Variants in SND1 observed in about 807,000 individuals in gnomAD.
SND1 encodes staphylococcal nuclease domain-containing protein 1.
Under a neutral mutation model 121.7 loss-of-function variants are expected in SND1, and 38 were observed. The ratio of observed to expected loss-of-function variants is 0.31; its 90% CI spans 0.24 to 0.41. SND1 has a LOEUF of 0.41. Among genes scored for constraint, SND1 ranks in the 10% least tolerant of loss-of-function variants. The probability of loss-of-function intolerance (pLI) is 1.00; values close to 1 mark genes in which losing one functional copy is unlikely to be tolerated. For synonymous variants in SND1, 401 were observed against 447.4 expected (o/e 0.90, Z 1.31); for missense variants, 868 against 1,184.6 (o/e 0.73, Z 3.92).
intron 15 of SND1, among the ~76,000 whole-genome samples, chr7:127,961,598 A>T (rs1801731763): frequency 1.3e-5 from 2 of 152,250 alleles, no homozygotes; most frequent in Non-Finnish European, 2.9e-5. Context: ...TACTTTTGCC[A>T]TGTGAAATTG....
intron 16 of SND1, among the ~76,000 whole-genome samples, chr7:127,995,939 T>C (rs1802642342): frequency 6.6e-6 from 1 of 152,176 alleles, no homozygotes; most frequent in South Asian, 2.1e-4. Flanking sequence ...TCTGACACAT[T>C]AGAATTGCTC....
At chr7:128,007,494 C>A (rs1335736856) in intron 16 of SND1, among the ~76,000 whole-genome samples, 1 of 152,230 alleles carries the variant, frequency 6.6e-6, no homozygotes, top group Non-Finnish European at 1.5e-5. Context: ...GCAAATAGTC[C>A]TGCTCCACTG....
intron 2 of SND1, among the ~76,000 whole-genome samples, chr7:127,688,602 G>T (rs1043001856): frequency 6.6e-6 from 1 of 151,028 alleles, no homozygotes; most frequent in Non-Finnish European, 1.5e-5. Flanking sequence ...CATGCCTGTA[G>T]TCTCAACTAC....
At chr7:128,089,462 T>C (rs371055220) in intron 21 of SND1, 27 bp from the exon 22 acceptor site, 9 of 1,594,496 alleles carry the variant, frequency 5.6e-6, no homozygotes, top group Middle Eastern at 1.8e-4. Context: ...TCTGGCTTGC[T>C]CTGACCTGAG....
intron 16 of SND1, among the ~76,000 whole-genome samples, chr7:127,993,355 C>T (rs912725906): frequency 6.6e-6 from 1 of 152,208 alleles, no homozygotes; most frequent in African/African-American, 2.4e-5. Flanking sequence ...CCTACTCCCC[C>T]AACCCCACAA....
At chr7:127,761,814 T>C (rs1303702578) in intron 10 of SND1, among the ~76,000 whole-genome samples, 2 of 152,206 alleles carry the variant, frequency 1.3e-5, no homozygotes, top group Admixed American at 6.5e-5. Flanking sequence ...CCTTTGAAGG[T>C]GCATCTTCCG....
At chr7:127,687,996 C>T (rs1795845471) in intron 2 of SND1, among the ~76,000 whole-genome samples, 1 of 152,096 alleles carries the variant, frequency 6.6e-6, no homozygotes, top group Non-Finnish European at 1.5e-5. Context: ...ATTCCAGATT[C>T]TTAATCTGGG....
chr7:127,669,468 C>T (rs928411360), intron 1 of SND1, among the ~76,000 whole-genome samples: 2 of 152,232 alleles, frequency 1.3e-5, no homozygotes, highest in African/African-American at 4.8e-5. Context: ...GAGAATCTCT[C>T]AATTAACTGT....
chr7:127,658,649 T>C (rs1254107288), intron 1 of SND1, among the ~76,000 whole-genome samples: 1 of 152,228 alleles, frequency 6.6e-6, no homozygotes, highest in African/African-American at 2.4e-5. Flanking sequence ...AGTAGCATGC[T>C]TCAGGGGATC....
At chr7:127,697,836 G>A (rs1007194317) in intron 3 of SND1, among the ~76,000 whole-genome samples, 5 of 152,128 alleles carry the variant, frequency 3.3e-5, no homozygotes, top group Admixed American at 6.5e-5. Flanking sequence ...GTAGTGTGCC[G>A]AATGTAAATC....
chr7:128,043,181 A>T (rs1052386960), intron 16 of SND1, among the ~76,000 whole-genome samples: 1 of 152,140 alleles, frequency 6.6e-6, no homozygotes, highest in Non-Finnish European at 1.5e-5. Flanking sequence ...TGCCCATCTC[A>T]GAGGTTACAC....
chr7:127,990,949 A>G lies in SND1; in HGVS notation c.1672A>G (p.Ile558Val). The G allele has an allele frequency of 1.9e-6, 3 of 1,612,654 alleles. No individual in the cohort carries two copies. The highest frequency in any genetic ancestry group is 2.5e-6 in the Non-Finnish European group (3 of 1,179,056). The change falls in exon 16 of 24, where the codon ATT becomes GTT. Residue 558 changes from isoleucine to valine, a missense_variant and splice_region_variant. Coordinates refer to ENST00000354725, the MANE Select transcript of SND1 (RefSeq NM_014390.4). Reference protein sequence around the residue: ...TCLITFLLAGIECPRGARNLP... With the variant: ...TCLITFLLAGVECPRGARNLP... Reference sequence around the variant, plus strand: ...ATTCTACTTTTCTCCTGACACAGGCATTGAATGCCCCAGAGGAGCCCGAAA... The same window carrying G: ...ATTCTACTTTTCTCCTGACACAGGCGTTGAATGCCCCAGAGGAGCCCGAAA...
intron 12 of SND1, among the ~76,000 whole-genome samples, chr7:127,883,888 T>C (rs887514498): frequency 6.6e-6 from 1 of 152,154 alleles, no homozygotes; most frequent in Non-Finnish European, 1.5e-5. Flanking sequence ...TCATCATTTA[T>C]TGATGATGGT....
chr7:128,074,924 A>G (rs1180535450), intron 17 of SND1, among the ~76,000 whole-genome samples: 1 of 152,158 alleles, frequency 6.6e-6, no homozygotes, highest in Non-Finnish European at 1.5e-5. Flanking sequence ...GCCAGCCCAG[A>G]ATGTCATCAG....
chr7:128,029,845 C>T lies in SND1; in HGVS notation c.1779+38789C>T, dbSNP rs1429880531. The T allele has an allele frequency of 6.2e-7, 1 of 1,613,496 alleles. No homozygotes were observed. Among genetic ancestry groups the T allele is most frequent in the South Asian group, 1.1e-5 (1 of 91,086 alleles). On this transcript the variant is annotated intron_variant, in intron 16 of 23. Transcript: ENST00000354725. The surrounding 1 kb of genome is among the most constrained non-coding windows in gnomAD (Gnocchi z 4.2). ...GCCAAGTTGAGTTCCACAAGTGAAG[C>T]CAGCCCGTCAAAAGCATTCCGCTCA...
intron 12 of SND1, among the ~76,000 whole-genome samples, chr7:127,875,593 C>A (rs546816866): frequency 1.3e-5 from 2 of 152,280 alleles, no homozygotes; most frequent in African/African-American, 4.8e-5. Flanking sequence ...ATCAGAAAAC[C>A]TGGCTTCTAA....
chr7:127,797,771 C>A (rs1798053214), intron 10 of SND1, among the ~76,000 whole-genome samples: 1 of 152,098 alleles, frequency 6.6e-6, no homozygotes, highest in Admixed American at 6.5e-5. Context: ...TTTTTTCCCC[C>A]CTTGCAGTAG....
At chr7:127,910,774 G>A (rs1357757025) in intron 14 of SND1, among the ~76,000 whole-genome samples, 8 of 151,990 alleles carry the variant, frequency 5.3e-5, no homozygotes, top group Admixed American at 2.6e-4. Context: ...ATGTTCTCAC[G>A]TCTCTCTTGC....
intron 16 of SND1, chr7:127,998,054 A>G: frequency 3.9e-6 from 2 of 506,432 alleles, no homozygotes; most frequent in South Asian, 1.4e-5. Flanking sequence ...GACAGGAACC[A>G]TGTTTTGTCT....
Sources: gnomAD v4.1 joint callset for allele counts (sites outside exome capture counted in the v4.1 genomes callset) on GRCh38, gnomAD v4.1.1 for gene constraint, Gnocchi (gnomAD v3.1) non-coding constraint, MANE v1.5 for transcripts, NCBI Gene and HGNC (gene_info 2026-07-23, HGNC 2026-07-21) for gene names.